CARMIL1: variants seen among roughly 807,000 people sequenced by gnomAD.
CARMIL1 encodes capping protein regulator and myosin 1 linker 1.
A neutral mutation model predicts 177.1 loss-of-function variants in CARMIL1; 90 were observed. That is an observed-to-expected ratio of 0.51 (90% CI 0.43 to 0.61). CARMIL1 has a LOEUF of 0.61. CARMIL1 is among the 20% of genes least tolerant of loss of function. The probability of loss-of-function intolerance (pLI) is 0.00; values close to 1 mark genes in which losing one functional copy is unlikely to be tolerated. For missense variants in CARMIL1, 1,380 were observed against 1,667.0 expected, an observed-to-expected ratio of 0.83 and a Z score of 3.00; for synonymous variants, 577 against 606.2, an observed-to-expected ratio of 0.95 and a Z score of 0.71.
At chr6:25,506,285 G>A (rs1023890354) in intron 17 of CARMIL1, among the ~76,000 whole-genome samples, 2 of 152,218 alleles carry the variant, frequency 1.3e-5, no homozygotes, top group Non-Finnish European at 2.9e-5. Context: ...GATGGCTCAC[G>A]CCTGTCATCC....
chr6:25,413,558 G>A (rs1320716781), intron 2 of CARMIL1, among the ~76,000 whole-genome samples: 10 of 152,218 alleles, frequency 6.6e-5, no homozygotes, highest in Non-Finnish European at 1.5e-4. Context: ...TAACAGTAAG[G>A]AGGACTTATA....
intron 2 of CARMIL1, among the ~76,000 whole-genome samples, chr6:25,403,982 A>G (rs561636794): frequency 6.6e-6 from 1 of 152,354 alleles, no homozygotes; most frequent in East Asian, 1.9e-4. Context: ...GGTTGAAAGA[A>G]TTACTCAAAT....
At chr6:25,490,136 C>T (rs745671083) in intron 13 of CARMIL1, among the ~76,000 whole-genome samples, 12 of 152,050 alleles carry the variant, frequency 7.9e-5, no homozygotes, top group Non-Finnish European at 1.3e-4. Flanking sequence ...GTTCCAGGAG[C>T]CTGGCGGCAG....
chr6:25,309,921 C>G (rs181956506), intron 2 of CARMIL1, among the ~76,000 whole-genome samples: 1 of 151,972 alleles, frequency 6.6e-6, no homozygotes, highest in African/African-American at 2.4e-5. Flanking sequence ...AGGTGCACGC[C>G]ACCGCACCCG....
At chr6:25,473,974 C>T (rs1801299491) in intron 11 of CARMIL1, among the ~76,000 whole-genome samples, 2 of 152,244 alleles carry the variant, frequency 1.3e-5, no homozygotes, top group African/African-American at 4.8e-5. Flanking sequence ...CTTAGTAGAA[C>T]ACTGATGGAC....
chr6:25,444,679 C>T (rs1441761222), intron 5 of CARMIL1, among the ~76,000 whole-genome samples: 1 of 152,170 alleles, frequency 6.6e-6, no homozygotes, highest in Non-Finnish European at 1.5e-5. Context: ...CAGCCTCATC[C>T]ATGTCCCTGC....
chr6:25,428,074 T>C (rs547921831), intron 4 of CARMIL1, among the ~76,000 whole-genome samples: 1 of 152,344 alleles, frequency 6.6e-6, no homozygotes, highest in Non-Finnish European at 1.5e-5. Flanking sequence ...TTTAGTATCA[T>C]ATTGAATAAA....
chr6:25,388,000 A>G (rs968410286), intron 2 of CARMIL1, among the ~76,000 whole-genome samples: 9 of 152,206 alleles, frequency 5.9e-5, no homozygotes, highest in Non-Finnish European at 1.3e-4. Context: ...TCATAAGAAA[A>G]AAAGAGAAAA....
chr6:25,318,122 T>G (rs140529121), intron 2 of CARMIL1, among the ~76,000 whole-genome samples: 1 of 152,134 alleles, frequency 6.6e-6, no homozygotes, highest in Non-Finnish European at 1.5e-5. Flanking sequence ...TGTTCTCAGT[T>G]CAGAGTTGAG....
At position 25,610,710 on chromosome 6, in the gene CARMIL1, C is replaced by T. The variant is rs2151333857; in HGVS notation, c.3979+529C>T. On this transcript the variant is annotated intron_variant, in intron 36 of 36. Transcript: ENST00000329474. Reference sequence around the variant, plus strand: ...TGGACATTCTCAGGGCGACCCTGCACCAGTTTGCTCCTTCTAATTTGCTGA... The same window carrying T: ...TGGACATTCTCAGGGCGACCCTGCATCAGTTTGCTCCTTCTAATTTGCTGA... Among the ~76,000 whole-genome samples, 2 of 152,308 alleles carry T rather than the reference C, an allele frequency of 1.3e-5. 1 individual carries two copies. The highest frequency in any genetic ancestry group is 4.1e-4 in the South Asian group (2 of 4,830).
At chr6:25,318,294 C>T (rs576476779) in intron 2 of CARMIL1, among the ~76,000 whole-genome samples, 12 of 152,002 alleles carry the variant, frequency 7.9e-5, no homozygotes, top group South Asian at 2.1e-4. Context: ...AGGAGAAGGT[C>T]GGGAAGGGAA....
In CARMIL1 at chr6:25,291,235, T is replaced by C. The variant is rs568391986; in HGVS notation, c.138+6326T>C. On this transcript the variant is annotated intron_variant, in intron 2 of 36. Coordinates refer to ENST00000329474, the MANE Select transcript of CARMIL1 (RefSeq NM_017640.6). ...AAAAATGTCGAAAGGCATAGGGGTA[T>C]TATTTTGGGTAACGTATCCCTAAAA... Among the ~76,000 whole-genome samples, 13 of 152,362 alleles carry C rather than the reference T, an allele frequency of 8.5e-5. No homozygotes were observed. The South Asian group carries it at 1.5e-3, about 17-fold the overall frequency.
chr6:25,302,043 T>C (rs981751193), intron 2 of CARMIL1, among the ~76,000 whole-genome samples: 16 of 152,092 alleles, frequency 1.1e-4, no homozygotes, highest in African/African-American at 3.1e-4. Flanking sequence ...AAAAAATCAT[T>C]AAAAATACAT....
At chr6:25,358,325 AAAG>A (rs1366018156) in intron 2 of CARMIL1, among the ~76,000 whole-genome samples, 4 of 152,234 alleles carry the variant, frequency 2.6e-5, no homozygotes, top group Admixed American at 1.3e-4. Flanking sequence ...AGACAGTAGA[AAAG>A]AAGTGGGAAT....
At chr6:25,411,084 A>AT (rs1562100862) in intron 2 of CARMIL1, among the ~76,000 whole-genome samples, 1 of 152,094 alleles carries the variant, frequency 6.6e-6, no homozygotes, top group African/African-American at 2.4e-5. Flanking sequence ...TTATAGTTAT[A>AT]TTTTTTCTGT....
intron 8 of CARMIL1, among the ~76,000 whole-genome samples, chr6:25,464,273 ACTCAT>A (rs1800402556): frequency 1.3e-5 from 2 of 151,502 alleles, no homozygotes; most frequent in African/African-American, 4.9e-5. Flanking sequence ...ATCTGTGGGC[ACTCAT>A]CTCATCTTTT....
intron 36 of CARMIL1, 114 bp downstream of exon 36, chr6:25,610,295 A>G (rs2151332835): frequency 8.0e-7 from 1 of 1,245,098 alleles, no homozygotes; most frequent in Non-Finnish European, 1.1e-6. Context: ...GTTAAAGTCA[A>G]CATTGCTTGG....
chr6:25,452,033 C>A, intron 8 of CARMIL1: 1 of 435,540 alleles, frequency 2.3e-6, no homozygotes. Context: ...ATTTTTCCAC[C>A]TACCTGGCAG....
chr6:25,420,534 T>C (rs1289879804), intron 3 of CARMIL1, among the ~76,000 whole-genome samples: 2 of 144,270 alleles, frequency 1.4e-5, no homozygotes, highest in Admixed American at 7.0e-5. Flanking sequence ...ATTTCCACTT[T>C]ATTCAAGTCT....
Sources: allele counts gnomAD v4.1 joint callset (sites outside exome capture counted in the v4.1 genomes callset), GRCh38; gene constraint gnomAD v4.1.1; transcripts MANE v1.5; gene names NCBI Gene and HGNC (gene_info 2026-07-23, HGNC 2026-07-21).